Variants in TTL observed in about 807,000 individuals in gnomAD.
TTL encodes the protein tubulin--tyrosine ligase.
Under a neutral mutation model 41.1 loss-of-function variants are expected in TTL, and 10 were observed. The ratio of observed to expected loss-of-function variants is 0.24; its 90% CI spans 0.15 to 0.41. The LOEUF (loss-of-function observed/expected upper bound fraction) is 0.41, where lower values mean the gene tolerates loss of function less well. Ranked by LOEUF, TTL falls within the 10% of genes least tolerant of loss-of-function variation. The probability of loss-of-function intolerance (pLI) is 1.00; values close to 1 mark genes in which losing one functional copy is unlikely to be tolerated. For synonymous variants in TTL, 175 were observed against 175.5 expected (o/e 1.00, Z 0.02); for missense variants, 367 against 460.4 (o/e 0.80, Z 1.86).
chr2:112,520,481 A>T, intron 6 of TTL, 56 bp downstream of exon 6: 2 of 1,600,778 alleles, frequency 1.2e-6, no homozygotes, highest in Non-Finnish European at 1.7e-6. Context: ...TGCAGTTGGG[A>T]TAGTCTGTGG....
In TTL at chr2:112,494,373, A is replaced by G; in HGVS notation, c.467A>G (p.Lys156Arg). The stretch of plus-strand genomic sequence containing the variant: ...ATTGCAAAGTCATCAGCCGGTGCCA[A>G]AGGTGAGTTGGCACTGCTGTCCCCT... Reference protein sequence around the residue: ...VWIAKSSAGAKGEGILISSEA... With the variant: ...VWIAKSSAGARGEGILISSEA... Residue 156 changes from lysine to arginine, a missense_variant and splice_region_variant, in exon 3 of 7, where the codon AAA (lysine) becomes AGA (arginine). By Grantham distance (26) the Lys-to-Arg change is conservative. Transcript: ENST00000233336. The G allele has an allele frequency of 1.2e-6, 2 of 1,613,082 alleles. No individual in the cohort carries two copies. Among genetic ancestry groups the G allele is most frequent in the African/African-American group, 1.3e-5 (1 of 75,052 alleles).
intron 5 of TTL, 146 bp from the exon 6 acceptor site, chr2:112,520,130 CAAAAAA>C: frequency 6.4e-4 from 322 of 501,012 alleles, no homozygotes; most frequent in East Asian, 1.0e-3. Context: ...AACTCCGTCT[CAAAAAA>C]AAAAAAAAAA....
At chr2:112,496,688 TG>T in intron 3 of TTL, among the ~76,000 whole-genome samples, 3 of 143,166 alleles carry the variant, frequency 2.1e-5, no homozygotes, top group African/African-American at 7.6e-5. Flanking sequence ...TGTGTGTGTG[TG>T]TGTGTGTGTG....
In TTL at chr2:112,503,027, A is replaced by T; in HGVS notation, c.721A>T (p.Thr241Ser). 6.2e-7 allele frequency: 1 copy of T among 1,614,134 alleles called. No individual in the cohort carries two copies. The highest frequency in any genetic ancestry group is 8.5e-7 in the Non-Finnish European group (1 of 1,180,016). The change falls in exon 5 of 7, where the codon ACC (threonine) becomes TCC (serine). Residue 241 changes from threonine (T) to serine (S), a missense_variant. Transcript: ENST00000233336. ...TTTCCAAGACAAAACCTGCCATTTG[A>T]CCAATCACTGCATTCAAAAAGAGTA... ...DNFQDKTCHL[T>S]NHCIQKEYSK...
intron 1 of TTL, among the ~76,000 whole-genome samples, chr2:112,484,385 T>TC (rs1681182642): frequency 6.6e-6 from 1 of 151,896 alleles, no homozygotes; most frequent in South Asian, 2.1e-4. Context: ...TGCCTCAGCC[T>TC]CCCAAGTAGC....
chr2:112,540,505 A>T lies in TTL; in HGVS notation c.*11710A>T, dbSNP rs1047837126. The T allele has an allele frequency of 9.8e-5, 15 of 152,318 alleles. No homozygotes were observed. Among genetic ancestry groups the T allele is most frequent in the African/African-American group, 2.9e-4 (12 of 41,574 alleles). The allele number at this position is 152,318 out of a possible 1,614,324, so 9.4% of individuals were successfully genotyped here. On this transcript the variant is annotated 3_prime_UTR_variant, in exon 7 of 7. Transcript: ENST00000233336. ...TAAAATCCATATTGAAATACAAAGG[A>T]TCAAATAAATCTGGAGAAAGAAGAA...
Position 112,541,569 on chromosome 2 carries a change from G to A in TTL, c.*12774G>A, listed in dbSNP as rs1024967791. The stretch of plus-strand genomic sequence containing the variant: ...AGTAAGGAGGGACTATCAGGGGCAG[G>A]AGGATACTGGGTAGTGGTGGTTTAA... On this transcript the variant is annotated 3_prime_UTR_variant, in exon 7 of 7. Transcript: ENST00000233336. The A allele has an allele frequency of 3.3e-5, 5 of 153,162 alleles. 1 individual carries two copies. The highest frequency in any genetic ancestry group is 4.0e-4 in the South Asian group (2 of 5,016). 9.5% of individuals were successfully genotyped at this position (153,162 alleles called of 1,614,324 possible).
In TTL at chr2:112,541,192, T is replaced by TA. The variant is rs1682723813; in HGVS notation, c.*12398dup. Reference sequence around the variant, plus strand: ...TTACACAATGATGTCTTAGATATGATATAAAAAGACAGGCAACAAAAGAAA... The same window carrying TA: ...TTACACAATGATGTCTTAGATATGATAATAAAAAGACAGGCAACAAAAGAAA... On this transcript the variant is annotated 3_prime_UTR_variant, in exon 7 of 7. Coordinates refer to ENST00000233336, the MANE Select transcript of TTL (RefSeq NM_153712.5). 1 of 151,982 alleles carries TA rather than the reference T, an allele frequency of 6.6e-6. No homozygotes were observed. Among genetic ancestry groups the TA allele is most frequent in the Non-Finnish European group, 1.5e-5 (1 of 68,026 alleles). The allele number at this position is 151,982 out of a possible 1,614,324, so 9.4% of individuals were successfully genotyped here. A position where few individuals can be genotyped will look rare whatever the true frequency, so the allele number is the denominator to read the frequency against.
rs1381106773 is a variant in TTL at position 112,482,936 on chromosome 2, G to T, written c.157+435G>T. On this transcript the variant is annotated intron_variant, in intron 1 of 6. Coordinates refer to ENST00000233336, the MANE Select transcript of TTL (RefSeq NM_153712.5). The surrounding 1 kb of genome is among the most constrained non-coding windows in gnomAD (Gnocchi z 5.3). Reference sequence around the variant, plus strand: ...CACTGAGGATTTCTCCCTGCTTGGCGTGGGCGCGGGCGGGGGAGCCGTAGG... The same window carrying T: ...CACTGAGGATTTCTCCCTGCTTGGCTTGGGCGCGGGCGGGGGAGCCGTAGG... Among the ~76,000 whole-genome samples, 7 of 152,342 alleles carry T rather than the reference G, an allele frequency of 4.6e-5. No individual in the cohort carries two copies. The highest frequency in any genetic ancestry group is 1.0e-4 in the Non-Finnish European group (7 of 68,042).
chr2:112,510,865 T>C (rs1193097741), intron 5 of TTL, among the ~76,000 whole-genome samples: 1 of 152,216 alleles, frequency 6.6e-6, no homozygotes, highest in Non-Finnish European at 1.5e-5. Context: ...TAGAAATTTT[T>C]GTTTAATATC....
chr2:112,482,300 T>C lies in TTL; in HGVS notation c.-45T>C. 7.2e-7 allele frequency: 1 copy of C among 1,390,182 alleles called. No individual in the cohort carries two copies. The highest frequency in any genetic ancestry group is 9.5e-7 in the Non-Finnish European group (1 of 1,054,890). 86.1% of individuals were successfully genotyped at this position (1,390,182 alleles called of 1,614,324 possible). On this transcript the variant is annotated 5_prime_UTR_variant, in exon 1 of 7. Coordinates refer to ENST00000233336, the MANE Select transcript of TTL (RefSeq NM_153712.5). This position sits in a 1 kb window ranked among gnomAD's most constrained non-coding sequence, Gnocchi z 5.3. The stretch of plus-strand genomic sequence containing the variant: ...CTGAGCCGCCTTCTCGGCCGCCTGG[T>C]CCCTGCGGCGGCTGCCCGGCGGCCC...
At chr2:112,501,802 G>T (rs1681706038) in intron 4 of TTL, among the ~76,000 whole-genome samples, 1 of 151,706 alleles carries the variant, frequency 6.6e-6, no homozygotes, top group African/African-American at 2.4e-5. Context: ...GGGAGGGGAG[G>T]TTGCAGTGAG....
In TTL at chr2:112,530,135, A is replaced by ATGTG. The variant is rs1682471201; in HGVS notation, c.*1343_*1346dup. The stretch of plus-strand genomic sequence containing the variant: ...CGTGCTACGTTCTTTCTTCATGCCT[A>ATGTG]TGTGTGCTCCATTCCTCATTTCTAC... On this transcript the variant is annotated 3_prime_UTR_variant, in exon 7 of 7. Transcript: ENST00000233336. 4.4e-6 allele frequency: 1 copy of ATGTG among 229,004 alleles called. No individual in the cohort carries two copies. Among genetic ancestry groups the ATGTG allele is most frequent in the African/African-American group, 2.2e-5 (1 of 45,092 alleles). 14.2% of individuals were successfully genotyped at this position (229,004 alleles called of 1,614,324 possible).
At chr2:112,498,773 C>A (rs11679929) in intron 3 of TTL, among the ~76,000 whole-genome samples, 2 of 151,660 alleles carry the variant, frequency 1.3e-5, no homozygotes, top group Non-Finnish European at 2.9e-5. Context: ...GGCATGGTGG[C>A]GGGCGCCTGT....
In TTL at chr2:112,534,040, A is replaced by G. The variant is rs1429561710; in HGVS notation, c.*5245A>G. 2 of 152,204 alleles carry G rather than the reference A, an allele frequency of 1.3e-5. No individual in the cohort carries two copies. Among genetic ancestry groups the G allele is most frequent in the East Asian group, 3.9e-4 (2 of 5,192 alleles). The allele number at this position is 152,204 out of a possible 1,614,324, so 9.4% of individuals were successfully genotyped here. A position where few individuals can be genotyped will look rare whatever the true frequency, so the allele number is the denominator to read the frequency against. On this transcript the variant is annotated 3_prime_UTR_variant, in exon 7 of 7. Coordinates refer to ENST00000233336, the MANE Select transcript of TTL (RefSeq NM_153712.5). ...AGACATTAACCAGAGGCTTGCAGCA[A>G]TCCATTTATTCAAGAAAAGGCCTGT...
chr2:112,500,438 G>C (rs541331817), intron 3 of TTL, among the ~76,000 whole-genome samples: 3 of 151,972 alleles, frequency 2.0e-5, no homozygotes, highest in African/African-American at 7.3e-5. Context: ...AGGCATGGTG[G>C]TGCACGCCTG....
chr2:112,524,364 C>T lies in TTL; in HGVS notation c.1019+3939C>T, dbSNP rs1192907649. ...TTCTAGTTCTAGATCGTTGAGGAAT[C>T]GCCACACTGTCTTCTGCAATGGTTG... is the stretch of plus-strand genomic sequence containing the variant. On this transcript the variant is annotated intron_variant, in intron 6 of 6. Coordinates refer to ENST00000233336, the MANE Select transcript of TTL (RefSeq NM_153712.5). Among the ~76,000 whole-genome samples, 10 of 152,276 alleles carry T rather than the reference C, an allele frequency of 6.6e-5. No individual in the cohort carries two copies. The East Asian group carries it at 1.7e-3, about 26-fold the overall frequency.
intron 2 of TTL, among the ~76,000 whole-genome samples, chr2:112,487,155 C>T (rs1254242793): frequency 6.6e-6 from 1 of 152,186 alleles, no homozygotes; most frequent in African/African-American, 2.4e-5. Flanking sequence ...ATGCAAAATG[C>T]TCTTTTCCCA....
rs531686129 is a variant in TTL, at chr2:112,532,215, C to G, written c.*3420C>G. On this transcript the variant is annotated 3_prime_UTR_variant, in exon 7 of 7. Transcript: ENST00000233336. Reference sequence around the variant, plus strand: ...CCTCTTGCAAGTGTGGTGAGAGGCTCTACTAGCAAAGACATGGGCACCGGA... The same window carrying G: ...CCTCTTGCAAGTGTGGTGAGAGGCTGTACTAGCAAAGACATGGGCACCGGA... 1 of 227,724 alleles carries G rather than the reference C, an allele frequency of 4.4e-6. No homozygotes were observed. Among genetic ancestry groups the G allele is most frequent in the South Asian group, 1.8e-4 (1 of 5,502 alleles). The allele number at this position is 227,724 out of a possible 1,614,324, so 14.1% of individuals were successfully genotyped here.
Sources: gnomAD v4.1 joint callset for allele counts (sites outside exome capture counted in the v4.1 genomes callset) on GRCh38, gnomAD v4.1.1 for gene constraint, Gnocchi (gnomAD v3.1) non-coding constraint, MANE v1.5 for transcripts, NCBI Gene and HGNC (gene_info 2026-07-23, HGNC 2026-07-21) for gene names.